Variants in PIH1D2 observed in about 807,000 individuals in gnomAD.
The protein encoded by PIH1D2 is PIH1 domain-containing protein 2.
Under a neutral mutation model 31.2 loss-of-function variants are expected in PIH1D2, and 25 were observed. The observed-to-expected ratio is 0.80, with a 90% CI of 0.58 to 1.12. The LOEUF (loss-of-function observed/expected upper bound fraction) is 1.12, where lower values mean the gene tolerates loss of function less well. Among genes scored for constraint, PIH1D2 ranks in the 50% most tolerant of loss-of-function variants. The pLI is 0.00. For missense variants in PIH1D2, 310 were observed against 356.6 expected (o/e 0.87, Z 1.05); for synonymous variants, 116 against 119.9 (o/e 0.97, Z 0.21).
At chr11:112,053,153 C>T in the PIH1D2 span, among the ~76,000 whole-genome samples, 3 of 152,066 alleles carry the variant, frequency 2.0e-5, no homozygotes, top group African/African-American at 4.8e-5. Context: ...GAAACCCCAT[C>T]TCTACTAAAA....
In PIH1D2 at chr11:112,073,074, A is replaced by C; in HGVS notation, c.101T>G (p.Ile34Ser). 1 of 1,614,128 alleles carries C rather than the reference A, an allele frequency of 6.2e-7. No individual in the cohort carries two copies. The highest frequency in any genetic ancestry group is 1.1e-5 in the South Asian group (1 of 91,084). Residue 34 changes from isoleucine (I) to serine (S), a missense_variant, in exon 2 of 6, where the codon ATT becomes AGT. By Grantham distance (142) the Ile-to-Ser change is moderately radical (BLOSUM62 -2). Coordinates refer to ENST00000280350, the MANE Select transcript of PIH1D2 (RefSeq NM_138789.4). ...QSDPEGYEKFIQQQLKEGKQL... is the reference protein window; with the variant it reads ...QSDPEGYEKFSQQQLKEGKQL... ...TTTCCCTTCTTTCAGCTGCTGCTGA[A>C]TAAACTTCTCATAGCCCTCAGGGTC... is the stretch of plus-strand genomic sequence containing the variant.
At chr11:112,073,265 C>A in intron 1 of PIH1D2, 60 bp from the exon 2 acceptor site, 1 of 1,245,980 alleles carries the variant, frequency 8.0e-7, no homozygotes, top group Non-Finnish European at 1.1e-6. Context: ...TTCATTTCTG[C>A]TTTGGGGAGG....
At chr11:112,067,014 G>T (rs1185759194), downstream of PIH1D2, among the ~76,000 whole-genome samples, 2 of 152,220 alleles carry the variant, frequency 1.3e-5, no homozygotes, top group African/African-American at 4.8e-5. Context: ...AGTGAGCCGA[G>T]ATTGTGCCAC....
chr11:112,062,686 T>C (rs587719375), downstream of PIH1D2: 30 of 933,520 alleles, frequency 3.2e-5, no homozygotes, highest in African/African-American at 4.3e-4. Context: ...TGGGCATTAC[T>C]GAATTTTTAA....
downstream of PIH1D2, chr11:112,062,267 A>C: frequency 3.4e-6 from 3 of 891,750 alleles, no homozygotes; most frequent in East Asian, 7.6e-5. Context: ...ATTTGAGCTA[A>C]AGGTATAGGA....
At chr11:112,073,257 C>T in intron 1 of PIH1D2, 52 bp from the exon 2 acceptor site, 1 of 1,299,922 alleles carries the variant, frequency 7.7e-7, no homozygotes, top group South Asian at 1.6e-5. Flanking sequence ...ATTATTGATT[C>T]ATTTCTGCTT....
the PIH1D2 span, among the ~76,000 whole-genome samples, chr11:112,056,091 C>T: frequency 6.6e-6 from 1 of 151,800 alleles, no homozygotes; most frequent in Non-Finnish European, 1.5e-5. Flanking sequence ...TGGTCTCAAT[C>T]TCTTGACTTT....
chr11:112,072,175 A>T (rs1555184788), intron 2 of PIH1D2, among the ~76,000 whole-genome samples: 1 of 152,158 alleles, frequency 6.6e-6, no homozygotes, highest in Non-Finnish European at 1.5e-5. Flanking sequence ...TTAGGCTCCA[A>T]GTAAGTCATT....
rs1247418768 is a variant in PIH1D2, at chr11:112,073,969, G to A, written c.-32+11C>T. 1 of 163,258 alleles carries A rather than the reference G, an allele frequency of 6.1e-6. No homozygotes were observed. The highest frequency in any genetic ancestry group is 1.3e-5 in the Non-Finnish European group (1 of 75,792). The allele number at this position is 163,258 out of a possible 1,614,324, so 10.1% of individuals were successfully genotyped here. On this transcript the variant is annotated intron_variant, in intron 1 of 5. Transcript: ENST00000280350. The stretch of plus-strand genomic sequence containing the variant: ...CTAACGGGTAATCATTCTATAGGTT[G>A]GCAAACCCACCTCTTCTCTCAGTTC...
downstream of PIH1D2, among the ~76,000 whole-genome samples, chr11:112,066,436 G>A (rs146586822): frequency 9.0e-3 from 1,366 of 151,820 alleles, 10 homozygotes; most frequent in African/African-American, 0.03. Context: ...AGGTCAGTTC[G>A]AAACCAGCCT....
intron 3 of PIH1D2, 118 bp from the exon 4 acceptor site, chr11:112,071,401 G>A: frequency 2.2e-6 from 3 of 1,380,556 alleles, no homozygotes; most frequent in Non-Finnish European, 2.9e-6. Flanking sequence ...GTATTTTTCA[G>A]AGGTAATCAC....
downstream of PIH1D2, chr11:112,067,758 G>C (rs2510757): frequency 3.6e-5 from 42 of 1,158,366 alleles, no homozygotes; most frequent in Non-Finnish European, 4.0e-5. Context: ...AATGAACTTA[G>C]AAAATAATGG....
Position 112,073,033 on chromosome 11 carries a change from G to T in PIH1D2, c.142C>A (p.Pro48Thr). The T allele has an allele frequency of 6.2e-7, 1 of 1,613,898 alleles. No individual in the cohort carries two copies. ...LKEGKQLCAA[P>T]EPQLCLQTRI... ...GTCTGTAGACAAAGCTGTGGTTCTG[G>T]GGCAGCACAGAGCTGTTTCCCTTCT... The change falls in exon 2 of 6, where the codon CCA becomes ACA. Residue 48 changes from proline to threonine, a missense_variant. By Grantham distance (38) the Pro-to-Thr change is conservative. Coordinates refer to ENST00000280350, the MANE Select transcript of PIH1D2 (RefSeq NM_138789.4).
At chr11:112,058,602 G>T (rs1864269544), downstream of PIH1D2, among the ~76,000 whole-genome samples, 1 of 129,786 alleles carries the variant, frequency 7.7e-6, no homozygotes, top group Admixed American at 7.8e-5. Flanking sequence ...GTGAACTTCA[G>T]TTGGGGTGGG....
At chr11:112,054,242 G>T in the PIH1D2 span, among the ~76,000 whole-genome samples, 2 of 152,126 alleles carry the variant, frequency 1.3e-5, no homozygotes, top group Admixed American at 1.3e-4. Flanking sequence ...CTTGAACCTG[G>T]GAGGCGGAGG....
chr11:112,067,908 TC>T lies in PIH1D2; in HGVS notation c.910del (p.Glu304LysfsTer5). The stretch of plus-strand genomic sequence containing the variant: ...CATTGTGATGATTAGCGTGGATTTT[TC>T]TTTGATAAATTTTGCTGTGGTCATT... ...TEMTTAKFIK[E>X]KSTLIITMPL... is the part of the protein sequence containing the mutation. On this transcript the variant is annotated frameshift_variant, in exon 6 of 6. Coordinates refer to ENST00000280350, the MANE Select transcript of PIH1D2 (RefSeq NM_138789.4). LOFTEE classifies it high-confidence loss of function. The T allele has an allele frequency of 6.2e-7, 1 of 1,611,950 alleles. No homozygotes were observed.
At position 112,072,979 on chromosome 11, in the gene PIH1D2, T is replaced by G. The variant is rs1197920792; in HGVS notation, c.177+19A>C. ...ATTTCATTCAAGACCTCCCCATCCCTGGCACCAACTCGACATACCAGAATC... is the reference window on the plus strand; with the variant it reads ...ATTTCATTCAAGACCTCCCCATCCCGGGCACCAACTCGACATACCAGAATC... On this transcript the variant is annotated intron_variant, in intron 2 of 5. Coordinates refer to ENST00000280350, the MANE Select transcript of PIH1D2 (RefSeq NM_138789.4). The G allele has an allele frequency of 1.3e-6, 2 of 1,578,284 alleles. No individual in the cohort carries two copies. The highest frequency in any genetic ancestry group is 2.7e-5 in the African/African-American group (2 of 73,994).
chr11:112,058,618 G>GC (rs1277373067), downstream of PIH1D2, among the ~76,000 whole-genome samples: 2 of 125,496 alleles, frequency 1.6e-5, no homozygotes, highest in African/African-American at 3.2e-5. Flanking sequence ...GTGGGGGAAG[G>GC]GGGGGGTGGG....
chr11:112,058,430 T>C (rs1378494260), downstream of PIH1D2, among the ~76,000 whole-genome samples: 4 of 152,172 alleles, frequency 2.6e-5, no homozygotes, highest in African/African-American at 9.7e-5. Flanking sequence ...TGGTACCCAC[T>C]GATCTTTTTG....
Sources: allele counts gnomAD v4.1 joint callset (sites outside exome capture counted in the v4.1 genomes callset), GRCh38; gene constraint gnomAD v4.1.1; transcripts MANE v1.5; gene names NCBI Gene and HGNC (gene_info 2026-07-23, HGNC 2026-07-21).